MAD2L1: variants seen among roughly 807,000 people sequenced by gnomAD.
The protein encoded by MAD2L1 is mitotic spindle assembly checkpoint protein MAD2A.
A neutral mutation model predicts 25.9 loss-of-function variants in MAD2L1; 10 were observed. The observed-to-expected ratio is 0.39, with a 90% CI of 0.24 to 0.66. The LOEUF (loss-of-function observed/expected upper bound fraction) is 0.66, where lower values mean the gene tolerates loss of function less well. Among genes scored for constraint, MAD2L1 ranks in the 30% least tolerant of loss-of-function variants. The pLI is 0.49. For synonymous variants in MAD2L1, 81 were observed against 91.8 expected, an observed-to-expected ratio of 0.88 and a Z score of 0.67; for missense variants, 180 against 246.4, an observed-to-expected ratio of 0.73 and a Z score of 1.80.
chr4:120,062,512 G>T lies in MAD2L1; in HGVS notation c.221-417C>A, dbSNP rs151228276. Among the ~76,000 whole-genome samples, 319 of 152,218 alleles carry T rather than the reference G, an allele frequency of 2.1e-3. 1 individual carries two copies. Among genetic ancestry groups the T allele is most frequent in the African/African-American group, 7.3e-3 (303 of 41,542 alleles). ...GAAAAGGTCTGAGTTTAGCTCTAGG[G>T]ATAAACAGCATTAAATATGCAAAAG... is the stretch of plus-strand genomic sequence containing the variant. On this transcript the variant is annotated intron_variant, in intron 2 of 4. Transcript: ENST00000296509.
chr4:120,065,653 T>C lies in MAD2L1; in HGVS notation c.220+19A>G, dbSNP rs371999784. On this transcript the variant is annotated intron_variant, in intron 2 of 4. Transcript: ENST00000296509. ...TAGAAAATCTGCAAGACTCAAATTG[T>C]TTCCAATGATTAAAATACCTTTCAG... is the stretch of plus-strand genomic sequence containing the variant. 1.2e-6 allele frequency: 2 copies of C among 1,611,698 alleles called. No individual in the cohort carries two copies. The highest frequency in any genetic ancestry group is 1.7e-6 in the Non-Finnish European group (2 of 1,178,750).
chr4:120,065,459 CA>C (rs1431572692), intron 2 of MAD2L1: 1 of 458,452 alleles, frequency 2.2e-6, no homozygotes, highest in Non-Finnish European at 3.9e-6. Flanking sequence ...TTTTTTTAGC[CA>C]TATCAGATTT....
chr4:120,066,635 G>A (rs1240609356), intron 1 of MAD2L1, 27 bp downstream of exon 1: 1 of 1,584,376 alleles, frequency 6.3e-7, no homozygotes, highest in Non-Finnish European at 8.6e-7. Flanking sequence ...CGTTCCCCCC[G>A]ATATATTGGC....
In MAD2L1 at chr4:120,056,671, A is replaced by G. The variant is rs1726116108; in HGVS notation, c.*3447T>C. 1 of 152,182 alleles carries G rather than the reference A, an allele frequency of 6.6e-6. No individual in the cohort carries two copies. Among genetic ancestry groups the G allele is most frequent in the African/African-American group, 2.4e-5 (1 of 41,454 alleles). 9.4% of individuals were successfully genotyped at this position (152,182 alleles called of 1,614,324 possible). A position where few individuals can be genotyped will look rare whatever the true frequency, so the allele number is the denominator to read the frequency against. On this transcript the variant is annotated 3_prime_UTR_variant, in exon 5 of 5. Transcript: ENST00000296509. Reference sequence around the variant, plus strand: ...AAAACATTTTTCAGCATGCATGTCTATATAGTGAAAAAATGATTAAAAATA... The same window carrying G: ...AAAACATTTTTCAGCATGCATGTCTGTATAGTGAAAAAATGATTAAAAATA...
At chr4:120,064,575 CAAAGA>C (rs1243831981) in intron 2 of MAD2L1, among the ~76,000 whole-genome samples, 1 of 151,946 alleles carries the variant, frequency 6.6e-6, no homozygotes, top group Non-Finnish European at 1.5e-5. Flanking sequence ...CACACCAAAG[CAAAGA>C]AAAGCACCCA....
At position 120,056,741 on chromosome 4, in the gene MAD2L1, CTT is replaced by C. The variant is rs931021130; in HGVS notation, c.*3375_*3376del. The C allele has an allele frequency of 2.0e-5, 3 of 152,098 alleles. No individual in the cohort carries two copies. Among genetic ancestry groups the C allele is most frequent in the Middle Eastern group, 3.2e-3 (1 of 316 alleles). 9.4% of individuals were successfully genotyped at this position (152,098 alleles called of 1,614,324 possible). A position where few individuals can be genotyped will look rare whatever the true frequency, so the allele number is the denominator to read the frequency against. ...ATTGTGAGTCTCATAAAAAGGGTCT[CTT>C]TTTTAAAGGAGAGCCCATACCTCTC... On this transcript the variant is annotated 3_prime_UTR_variant, in exon 5 of 5. Coordinates refer to ENST00000296509, the MANE Select transcript of MAD2L1 (RefSeq NM_002358.4).
chr4:120,063,508 G>C (rs2110508945), intron 2 of MAD2L1, among the ~76,000 whole-genome samples: 1 of 152,268 alleles, frequency 6.6e-6, no homozygotes, highest in Middle Eastern at 3.4e-3. Context: ...TGGCCTGTGG[G>C]CCTTGTGATC....
intron 2 of MAD2L1, among the ~76,000 whole-genome samples, chr4:120,065,187 G>A (rs531820345): frequency 6.6e-6 from 1 of 152,310 alleles, no homozygotes; most frequent in Admixed American, 6.5e-5. Flanking sequence ...AAAACTGTGA[G>A]TGTTCTGTTA....
chr4:120,065,861 A>G (rs779167495), intron 1 of MAD2L1, 43 bp from the exon 2 acceptor site: 1 of 1,594,852 alleles, frequency 6.3e-7, no homozygotes, highest in South Asian at 1.1e-5. Flanking sequence ...TTATCCCTGC[A>G]TAACTCTGGA....
At position 120,066,692 on chromosome 4, in the gene MAD2L1, C is replaced by G; in HGVS notation, c.43G>C (p.Gly15Arg). 1 of 1,604,506 alleles carries G rather than the reference C, an allele frequency of 6.2e-7. No homozygotes were observed. Among genetic ancestry groups the G allele is most frequent in the Non-Finnish European group, 8.5e-7 (1 of 1,173,524 alleles). ...AACTCGGCCACGATTTCGGCGCTCC[C>G]GCGCAGGGTGATTCCCTGCTCCCGG... ...LSREQGITLR[G>R]SAEIVAEFFS... Residue 15 changes from glycine to arginine, a missense_variant, in exon 1 of 5, where the codon GGG becomes CGG. Transcript: ENST00000296509.
intron 1 of MAD2L1, among the ~76,000 whole-genome samples, 154 bp from the exon 2 acceptor site, chr4:120,065,972 T>C (rs1294589722): frequency 6.6e-6 from 1 of 152,052 alleles, no homozygotes; most frequent in Non-Finnish European, 1.5e-5. Context: ...AGGTACAAAG[T>C]GGCATTAAAA....
rs1237033638 is a variant in MAD2L1 at position 120,058,884 on chromosome 4, A to T, written c.*1234T>A. 1 of 152,194 alleles carries T rather than the reference A, an allele frequency of 6.6e-6. No individual in the cohort carries two copies. Among genetic ancestry groups the T allele is most frequent in the Non-Finnish European group, 1.5e-5 (1 of 68,034 alleles). 9.4% of individuals were successfully genotyped at this position (152,194 alleles called of 1,614,324 possible). A position where few individuals can be genotyped will look rare whatever the true frequency, so the allele number is the denominator to read the frequency against. ...TATGTGCAATTACTTAAAAATAGTGAAGGTTAAATAAGTTAATACACATAA... is the reference window on the plus strand; with the variant it reads ...TATGTGCAATTACTTAAAAATAGTGTAGGTTAAATAAGTTAATACACATAA... On this transcript the variant is annotated 3_prime_UTR_variant, in exon 5 of 5. Coordinates refer to ENST00000296509, the MANE Select transcript of MAD2L1 (RefSeq NM_002358.4).
rs773286573 is a variant in MAD2L1 at position 120,060,934 on chromosome 4, G to C, written c.385C>G (p.Arg129Gly). 1 of 1,611,124 alleles carries C rather than the reference G, an allele frequency of 6.2e-7. No homozygotes were observed. The highest frequency in any genetic ancestry group is 8.5e-7 in the Non-Finnish European group (1 of 1,177,812). The change falls in exon 4 of 5, where the codon CGT becomes GGT. Residue 129 changes from arginine (R) to glycine (G), a missense_variant. Coordinates refer to ENST00000296509, the MANE Select transcript of MAD2L1 (RefSeq NM_002358.4). The stretch of plus-strand genomic sequence containing the variant: ...GCTGTGATCTGTCTGATCACTGAAC[G>C]GATTTCATCCTGGATAGCTTTCTGA... ...KSQKAIQDEIRSVIRQITATV... is the reference protein window; with the variant it reads ...KSQKAIQDEIGSVIRQITATV...
intron 4 of MAD2L1, 99 bp from the exon 5 acceptor site, chr4:120,060,389 G>A (rs1304129356): frequency 2.1e-6 from 2 of 932,668 alleles, no homozygotes; most frequent in Non-Finnish European, 3.0e-6. Flanking sequence ...GCTGGAAAAG[G>A]TCATTTGGCT....
intron 2 of MAD2L1, among the ~76,000 whole-genome samples, chr4:120,064,988 G>A (rs1726290625): frequency 6.6e-6 from 1 of 152,050 alleles, no homozygotes; most frequent in Non-Finnish European, 1.5e-5. Context: ...AGGGTAACAC[G>A]AAAGAAAAAC....
In MAD2L1 at chr4:120,060,051, T is replaced by C. The variant is rs1726184214; in HGVS notation, c.*67A>G. On this transcript the variant is annotated 3_prime_UTR_variant, in exon 5 of 5. Transcript: ENST00000296509. ...CCAATGAAATAAAACATATCAACTA[T>C]AGATGACTTGATTTCAGGAAAACCA... 6 of 1,364,290 alleles carry C rather than the reference T, an allele frequency of 4.4e-6. No individual in the cohort carries two copies. Among genetic ancestry groups the C allele is most frequent in the East Asian group, 2.3e-5 (1 of 43,258 alleles). 84.5% of individuals were successfully genotyped at this position (1,364,290 alleles called of 1,614,324 possible).
At chr4:120,063,134 C>G (rs1476487631) in intron 2 of MAD2L1, among the ~76,000 whole-genome samples, 1 of 152,124 alleles carries the variant, frequency 6.6e-6, no homozygotes, top group African/African-American at 2.4e-5. Context: ...TACATTGTCT[C>G]TGGGATAGCT....
intron 4 of MAD2L1, 22 bp from the exon 5 acceptor site, chr4:120,060,312 TG>T (rs1353344750): frequency 1.9e-6 from 3 of 1,565,770 alleles, no homozygotes; most frequent in Non-Finnish European, 2.6e-6. Context: ...ATAAGATCAT[TG>T]AAGTATATTA....
At chr4:120,061,907 C>A in intron 3 of MAD2L1, 68 bp downstream of exon 3, 1 of 1,258,066 alleles carries the variant, frequency 7.9e-7, no homozygotes, top group Non-Finnish European at 1.1e-6. Flanking sequence ...AATTAGAACT[C>A]AATTAGTAAT....
Sources: gnomAD v4.1 joint callset for allele counts (sites outside exome capture counted in the v4.1 genomes callset) on GRCh38, gnomAD v4.1.1 for gene constraint, MANE v1.5 for transcripts, NCBI Gene and HGNC (gene_info 2026-07-23, HGNC 2026-07-21) for gene names.